The following DIP2B variants were observed in gnomAD, a reference collection of about 807,000 sequenced individuals.
DIP2B encodes the protein disco-interacting protein 2 homolog B.
Under a neutral mutation model 198.0 loss-of-function variants are expected in DIP2B, and 76 were observed. The ratio of observed to expected loss-of-function variants is 0.38; its 90% CI spans 0.32 to 0.46. The LOEUF (loss-of-function observed/expected upper bound fraction) is 0.46, where lower values mean the gene tolerates loss of function less well. Among genes scored for constraint, DIP2B ranks in the 20% least tolerant of loss-of-function variants. The probability of loss-of-function intolerance (pLI) is 0.99; values close to 1 mark genes in which losing one functional copy is unlikely to be tolerated. For missense variants in DIP2B, 1,559 were observed against 1,978.4 expected, an observed-to-expected ratio of 0.79 and a Z score of 4.02; for synonymous variants, 701 against 739.1, an observed-to-expected ratio of 0.95 and a Z score of 0.84.
chr12:50,521,159 T>C (rs2139352289), intron 1 of DIP2B, among the ~76,000 whole-genome samples: 1 of 142,088 alleles, frequency 7.0e-6, no homozygotes. Context: ...CAGGCTGGAG[T>C]ACAGTGGCGC....
chr12:50,549,766 C>T (rs1404398915), intron 1 of DIP2B, among the ~76,000 whole-genome samples: 1 of 144,020 alleles, frequency 6.9e-6, no homozygotes, highest in Non-Finnish European at 1.5e-5. Context: ...TTTAATATGA[C>T]ATTGGTAGCC....
intron 1 of DIP2B, among the ~76,000 whole-genome samples, chr12:50,531,465 G>A (rs2139364027): frequency 6.6e-6 from 1 of 152,316 alleles, no homozygotes; most frequent in Non-Finnish European, 1.5e-5. Flanking sequence ...AGTGACCAGA[G>A]GGAGAAGAGC....
chr12:50,520,882 A>G (rs1294481373), intron 1 of DIP2B, among the ~76,000 whole-genome samples: 1 of 151,860 alleles, frequency 6.6e-6, no homozygotes, highest in African/African-American at 2.4e-5. Context: ...TTCTATTACA[A>G]TCATATGGGT....
intron 1 of DIP2B, among the ~76,000 whole-genome samples, chr12:50,617,995 A>T (rs1229403072): frequency 6.6e-6 from 1 of 152,214 alleles, no homozygotes; most frequent in Non-Finnish European, 1.5e-5. Flanking sequence ...GGGGCCACCT[A>T]CAAATAACAA....
In DIP2B at chr12:50,699,049, T is replaced by C; in HGVS notation, c.2189-17T>C. On this transcript the variant is annotated splice_polypyrimidine_tract_variant and intron_variant, in intron 18 of 37. Transcript: ENST00000301180. ...TCTAGAATCTTTGTCCTTTAACCTG[T>C]ATTTTCTGTACGTTAGGGATGATGT... 1.2e-6 allele frequency: 2 copies of C among 1,613,042 alleles called. No individual in the cohort carries two copies. The highest frequency in any genetic ancestry group is 1.7e-6 in the Non-Finnish European group (2 of 1,179,636).
At chr12:50,597,639 G>A (rs1031628466) in intron 1 of DIP2B, among the ~76,000 whole-genome samples, 2 of 152,162 alleles carry the variant, frequency 1.3e-5, no homozygotes, top group African/African-American at 2.4e-5. Flanking sequence ...ACAGCACATG[G>A]GAGTCAGTGA....
Position 50,725,550 on chromosome 12 carries a change from A to G in DIP2B, c.3400+664A>G, listed in dbSNP as rs936600090. On this transcript the variant is annotated intron_variant, in intron 28 of 37. Transcript: ENST00000301180. ...GGGTTTAAGTCCTGCTGTATCTGCT[A>G]CTCTCTGAGTATCCGTACTAACCTG... 2.0e-5 allele frequency among the ~76,000 whole-genome samples: 3 copies of G among 152,168 alleles called. No individual in the cohort carries two copies. The South Asian group carries it at 6.2e-4, about 32-fold the overall frequency.
At chr12:50,672,822 A>AT (rs1406451044) in intron 5 of DIP2B, among the ~76,000 whole-genome samples, 3 of 152,134 alleles carry the variant, frequency 2.0e-5, no homozygotes, top group Admixed American at 2.0e-4. Context: ...TTTGGTTTTG[A>AT]TTTTACAAAA....
At chr12:50,514,123 T>G (rs1244993824) in intron 1 of DIP2B, among the ~76,000 whole-genome samples, 1 of 144,996 alleles carries the variant, frequency 6.9e-6, no homozygotes, top group Non-Finnish European at 1.5e-5. Flanking sequence ...TGGAGTGCAA[T>G]GGCATGATCT....
At chr12:50,567,359 C>T (rs559503820) in intron 1 of DIP2B, among the ~76,000 whole-genome samples, 225 of 152,190 alleles carry the variant, frequency 1.5e-3, no homozygotes, top group Admixed American at 2.4e-3. Flanking sequence ...GTATAGTTTT[C>T]TGCTATTTTA....
chr12:50,526,896 A>G (rs1188203135), intron 1 of DIP2B, among the ~76,000 whole-genome samples: 1 of 152,058 alleles, frequency 6.6e-6, no homozygotes. Context: ...CCGGTCCCCC[A>G]AAGTGCTGGG....
chr12:50,604,348 G>T (rs968515702), intron 1 of DIP2B, among the ~76,000 whole-genome samples: 2 of 152,136 alleles, frequency 1.3e-5, no homozygotes, highest in Admixed American at 6.5e-5. Flanking sequence ...TCAAGTGACT[G>T]TGTATATATA....
chr12:50,540,053 GTTTTTTTTTTTTTTTTTTTTT>G (rs60978324), intron 1 of DIP2B, among the ~76,000 whole-genome samples: 1 of 44,142 alleles, frequency 2.3e-5, no homozygotes, highest in Non-Finnish European at 3.9e-5. Context: ...TTGTTTCTGT[GTTTTTTTTTTTTTTTTTTTTT>G]TTTTTTTTGC....
intron 20 of DIP2B, 74 bp downstream of exon 20, chr12:50,704,294 A>G (rs1017512393): frequency 8.4e-6 from 12 of 1,436,896 alleles, no homozygotes; most frequent in Non-Finnish European, 1.2e-5. Context: ...GAACAGAACA[A>G]ATTCTGATTA....
At chr12:50,654,464 C>T (rs997190577) in intron 3 of DIP2B, among the ~76,000 whole-genome samples, 5 of 151,758 alleles carry the variant, frequency 3.3e-5, no homozygotes, top group Non-Finnish European at 5.9e-5. Flanking sequence ...AAGTGATCCT[C>T]CTGCCTCAGC....
intron 28 of DIP2B, among the ~76,000 whole-genome samples, chr12:50,726,866 A>C (rs1939946073): frequency 6.6e-6 from 1 of 151,880 alleles, no homozygotes. Context: ...TAATGCCAGC[A>C]CTCTGAGAGG....
At chr12:50,569,508 C>G (rs149144304) in intron 1 of DIP2B, among the ~76,000 whole-genome samples, 159 of 152,328 alleles carry the variant, frequency 1.0e-3, no homozygotes, top group Non-Finnish European at 1.6e-3. Flanking sequence ...GTTCGTTGGG[C>G]TCCTTCCTTT....
At chr12:50,703,970 G>A (rs1939468274) in intron 19 of DIP2B, among the ~76,000 whole-genome samples, 170 bp from the exon 20 acceptor site, 1 of 150,800 alleles carries the variant, frequency 6.6e-6, no homozygotes, top group Non-Finnish European at 1.5e-5. Context: ...AAAGTCTAGA[G>A]AGGTAAACAA....
intron 1 of DIP2B, among the ~76,000 whole-genome samples, chr12:50,553,738 C>T (rs986536384): frequency 6.6e-6 from 1 of 152,116 alleles, no homozygotes; most frequent in African/African-American, 2.4e-5. Flanking sequence ...ACTGCAGCCT[C>T]GATCTCCTGG....
Sources: allele counts gnomAD v4.1 joint callset (sites outside exome capture counted in the v4.1 genomes callset), GRCh38; gene constraint gnomAD v4.1.1; transcripts MANE v1.5; gene names NCBI Gene and HGNC (gene_info 2026-07-23, HGNC 2026-07-21).